Variants in ME3 observed in about 807,000 individuals in gnomAD.
ME3 encodes the protein NADP-dependent malic enzyme, mitochondrial.
ME3 carries 48 observed loss-of-function variants against 68.9 expected under a neutral mutation model. The observed-to-expected ratio is 0.70, with a 90% CI of 0.55 to 0.89. The LOEUF (loss-of-function observed/expected upper bound fraction) is 0.89. Among genes scored for constraint, ME3 ranks in the 40% least tolerant of loss-of-function variants. The pLI is 0.00. For missense variants in ME3, 675 were observed against 797.4 expected, an observed-to-expected ratio of 0.85 and a Z score of 1.85; for synonymous variants, 320 against 318.8, an observed-to-expected ratio of 1.00 and a Z score of -0.04.
At chr11:86,485,432 G>A (rs144189181) in intron 7 of ME3, among the ~76,000 whole-genome samples, 1 of 152,274 alleles carries the variant, frequency 6.6e-6, no homozygotes, top group East Asian at 1.9e-4. Context: ...CACCTCCCTT[G>A]TCCTAGATGC....
intron 2 of ME3, among the ~76,000 whole-genome samples, chr11:86,637,648 C>T (rs1048836019): frequency 1.3e-5 from 2 of 151,978 alleles, no homozygotes; most frequent in Non-Finnish European, 2.9e-5. Flanking sequence ...CGAGAAGGGC[C>T]TTGTGCGTTG....
chr11:86,584,159 C>T (rs1292037932), intron 2 of ME3, among the ~76,000 whole-genome samples: 1 of 152,042 alleles, frequency 6.6e-6, no homozygotes, highest in Non-Finnish European at 1.5e-5. Flanking sequence ...GGGCTAAGGA[C>T]CTGAATAGAC....
At chr11:86,500,136 T>G (rs1356814504) in intron 5 of ME3, among the ~76,000 whole-genome samples, 1 of 152,112 alleles carries the variant, frequency 6.6e-6, no homozygotes, top group Non-Finnish European at 1.5e-5. Context: ...GACTATGCCC[T>G]CATGCTGCCT....
intron 2 of ME3, among the ~76,000 whole-genome samples, chr11:86,660,453 G>A (rs1946200670): frequency 6.6e-6 from 1 of 152,196 alleles, no homozygotes; most frequent in Non-Finnish European, 1.5e-5. Context: ...AATCATTATA[G>A]CAACTTGTCA....
chr11:86,499,896 C>T (rs913649449), intron 5 of ME3, among the ~76,000 whole-genome samples: 5 of 152,190 alleles, frequency 3.3e-5, no homozygotes, highest in Non-Finnish European at 7.3e-5. Context: ...GGCCACATGC[C>T]TGGCACTGGC....
chr11:86,504,786 G>C (rs187824564), intron 5 of ME3, among the ~76,000 whole-genome samples: 21 of 152,218 alleles, frequency 1.4e-4, no homozygotes, highest in African/African-American at 4.6e-4. Context: ...CGCCTCCCGG[G>C]TTCAAGCTAT....
Position 86,498,137 on chromosome 11 carries a change from A to G in ME3, c.544-13T>C, listed in dbSNP as rs1208272117. The G allele has an allele frequency of 6.2e-7, 1 of 1,604,702 alleles. No individual in the cohort carries two copies. The highest frequency in any genetic ancestry group is 1.7e-5 in the Admixed American group (1 of 59,330). Reference sequence around the variant, plus strand: ...TCACCACCACGGCCTGAAAAACAGCAGGGCACCATCAATCAGGGACAGCAC... The same window carrying G: ...TCACCACCACGGCCTGAAAAACAGCGGGGCACCATCAATCAGGGACAGCAC... On this transcript the variant is annotated splice_polypyrimidine_tract_variant and intron_variant, in intron 5 of 14. Coordinates refer to ENST00000543262, the Ensembl canonical transcript of ME3.
chr11:86,598,519 C>A (rs1335360769), intron 2 of ME3, among the ~76,000 whole-genome samples: 1 of 152,332 alleles, frequency 6.6e-6, no homozygotes, highest in Non-Finnish European at 1.5e-5. Flanking sequence ...CCTCTGGGGG[C>A]AGGGCACAGA....
chr11:86,522,691 C>T lies in ME3; in HGVS notation c.468-13824G>A, dbSNP rs576959437. 2.0e-5 allele frequency among the ~76,000 whole-genome samples: 3 copies of T among 152,220 alleles called. No homozygotes were observed. The South Asian group carries it at 6.2e-4, about 32-fold the overall frequency. On this transcript the variant is annotated intron_variant, in intron 4 of 14. Coordinates refer to ENST00000543262, the Ensembl canonical transcript of ME3. ...TGATGGCTTCCAGCTTCATCCATAT[C>T]CCTGCAAAGGACACAATCTCATTCT...
intron 2 of ME3, among the ~76,000 whole-genome samples, chr11:86,647,160 C>A (rs1945073360): frequency 6.6e-6 from 1 of 152,128 alleles, no homozygotes; most frequent in African/African-American, 2.4e-5. Context: ...GCAAAATAAC[C>A]AGCTAGCATC....
chr11:86,475,874 T>TAGAGAGAGAGAGAGAGAGAGAGAG (rs1555206746), intron 7 of ME3, among the ~76,000 whole-genome samples: 1 of 91,474 alleles, frequency 1.1e-5, no homozygotes, highest in African/African-American at 5.0e-5. Context: ...TATATATATA[T>TAGAGAGAGAGAGAGAGAGAGAGAG]AGAGAGAGAG....
At chr11:86,559,802 C>T (rs775502133) in exon 3 of ME3, 1 of 1,614,038 alleles carries the variant, frequency 6.2e-7, no homozygotes, top group South Asian at 1.1e-5. Flanking sequence ...TGCAGCCTTT[C>T]TTCAAGGGTA....
At chr11:86,576,694 T>C (rs1379767780) in intron 2 of ME3, among the ~76,000 whole-genome samples, 3 of 148,608 alleles carry the variant, frequency 2.0e-5, no homozygotes, top group African/African-American at 7.6e-5. Flanking sequence ...CTCCTCAATG[T>C]GGGCCCAGCC....
chr11:86,578,343 A>G (rs1014437709), intron 2 of ME3, among the ~76,000 whole-genome samples: 3 of 152,178 alleles, frequency 2.0e-5, no homozygotes, highest in South Asian at 2.1e-4. Flanking sequence ...CTCCAGCAAC[A>G]CAACAGCACT....
At chr11:86,598,645 TC>T (rs1960002155) in intron 2 of ME3, among the ~76,000 whole-genome samples, 3 of 152,154 alleles carry the variant, frequency 2.0e-5, no homozygotes, top group African/African-American at 4.8e-5. Flanking sequence ...GAAGACTGCC[TC>T]CTTAAGTGGG....
chr11:86,508,913 A>G (rs1355425412), intron 4 of ME3, 46 bp from the exon 5 acceptor site: 2 of 1,500,004 alleles, frequency 1.3e-6, no homozygotes, highest in African/African-American at 2.8e-5. Flanking sequence ...AGGCAGTCAG[A>G]TTAGGAACTG....
chr11:86,574,965 G>T (rs1315663565), intron 2 of ME3, among the ~76,000 whole-genome samples: 1 of 117,958 alleles, frequency 8.5e-6, no homozygotes, highest in Non-Finnish European at 1.8e-5. Context: ...TGTGAACACT[G>T]GCAGCTTGCA....
At chr11:86,477,826 G>T (rs1217234066) in intron 7 of ME3, among the ~76,000 whole-genome samples, 1 of 152,080 alleles carries the variant, frequency 6.6e-6, no homozygotes, top group Non-Finnish European at 1.5e-5. Flanking sequence ...GTGCTAGTAT[G>T]CATTTTGATA....
At chr11:86,665,439 A>G (rs1277886781) in intron 2 of ME3, among the ~76,000 whole-genome samples, 1 of 152,126 alleles carries the variant, frequency 6.6e-6, no homozygotes, top group Non-Finnish European at 1.5e-5. Flanking sequence ...AGGAAGGAGG[A>G]TCAGTCAGTG....
Sources: allele counts gnomAD v4.1 joint callset (sites outside exome capture counted in the v4.1 genomes callset), GRCh38; gene constraint gnomAD v4.1.1; transcripts MANE v1.5; gene names NCBI Gene and HGNC (gene_info 2026-07-23, HGNC 2026-07-21).